Variants in CACNA1C observed in about 807,000 individuals in gnomAD.
The protein encoded by CACNA1C is calcium voltage-gated channel subunit alpha1 C, also known as voltage-dependent L-type calcium channel subunit alpha-1C.
Under a neutral mutation model 229.0 loss-of-function variants are expected in CACNA1C, and 30 were observed. That is an observed-to-expected ratio of 0.13 (90% CI 0.10 to 0.18). CACNA1C has a LOEUF of 0.18. Ranked by LOEUF, CACNA1C falls within the 10% of genes least tolerant of loss-of-function variation. The probability of loss-of-function intolerance (pLI) is 1.00; values close to 1 mark genes in which losing one functional copy is unlikely to be tolerated. For missense variants in CACNA1C, 1,658 were observed against 2,845.0 expected, an observed-to-expected ratio of 0.58 and a Z score of 9.49; for synonymous variants, 1,114 against 1,132.5, an observed-to-expected ratio of 0.98 and a Z score of 0.33.
chr12:2,154,866 G>A (rs2095474693), intron 3 of CACNA1C, among the ~76,000 whole-genome samples: 2 of 152,198 alleles, frequency 1.3e-5, no homozygotes, highest in African/African-American at 4.8e-5. Flanking sequence ...GTGGGTAGGT[G>A]GGAGCTTCCC....
At chr12:2,305,177 T>C (rs1359570614) in intron 3 of CACNA1C, among the ~76,000 whole-genome samples, 3 of 152,202 alleles carry the variant, frequency 2.0e-5, no homozygotes, top group Non-Finnish European at 4.4e-5. Context: ...TTATTCAGTT[T>C]GGTTTTGCTT....
chr12:2,378,048 G>A (rs757208453), intron 3 of CACNA1C, among the ~76,000 whole-genome samples: 9 of 152,114 alleles, frequency 5.9e-5, no homozygotes, highest in Non-Finnish European at 7.4e-5. Flanking sequence ...ATGATCCCCC[G>A]CAGAGCCGAG....
chr12:2,253,202 G>C (rs1470384806), intron 3 of CACNA1C, among the ~76,000 whole-genome samples: 1 of 152,212 alleles, frequency 6.6e-6, no homozygotes. Context: ...GGGAAAACCT[G>C]TGATGGTCTC....
At chr12:2,051,199 G>A (rs1179757685), upstream of CACNA1C, among the ~76,000 whole-genome samples, 1 of 152,200 alleles carries the variant, frequency 6.6e-6, no homozygotes, top group Non-Finnish European at 1.5e-5. Context: ...AGAAGCCGAG[G>A]GAGTTTGTGT....
intron 1 of CACNA1C, among the ~76,000 whole-genome samples, chr12:2,022,966 G>A (rs544167127): frequency 3.9e-5 from 6 of 152,158 alleles, no homozygotes; most frequent in East Asian, 1.9e-4. Context: ...CTTTGAGAAC[G>A]TGCAGCTTGT....
Position 2,522,699 on chromosome 12 carries a change from T to G in CACNA1C, c.1390+9715T>G, listed in dbSNP as rs147299254. ...TTCTGAGTTTGGATCATGGATACAT[T>G]TCAGCCCTCTGGGGCTCTCCTGGGC... On this transcript the variant is annotated intron_variant, in intron 9 of 46. Transcript: ENST00000399655. 2.7e-3 allele frequency among the ~76,000 whole-genome samples: 407 copies of G among 152,228 alleles called. 4 individuals carry two copies. Among genetic ancestry groups the G allele is most frequent in the African/African-American group, 9.4e-3 (390 of 41,544 alleles).
chr12:2,247,990 T>C (rs540486047), intron 3 of CACNA1C, among the ~76,000 whole-genome samples: 1 of 152,326 alleles, frequency 6.6e-6, no homozygotes, highest in South Asian at 2.1e-4. Context: ...TAATTAGTTA[T>C]TTCTAAAATT....
At chr12:2,556,572 G>C (rs1002644664) in intron 10 of CACNA1C, among the ~76,000 whole-genome samples, 2 of 152,182 alleles carry the variant, frequency 1.3e-5, no homozygotes, top group African/African-American at 4.8e-5. Flanking sequence ...ACCTGTTCTT[G>C]CCTGTGATTT....
chr12:2,098,810 C>G (rs1235260735), intron 1 of CACNA1C, among the ~76,000 whole-genome samples: 1 of 152,240 alleles, frequency 6.6e-6, no homozygotes, highest in Non-Finnish European at 1.5e-5. Context: ...ATGATTTTTA[C>G]TAAATAATTC....
intron 1 of CACNA1C, among the ~76,000 whole-genome samples, chr12:1,990,687 T>C (rs1446630011): frequency 6.6e-6 from 1 of 152,196 alleles, no homozygotes; most frequent in African/African-American, 2.4e-5. Context: ...GATTCTTGAC[T>C]ATACAGAATA....
Position 2,585,908 on chromosome 12 carries a change from C to A in CACNA1C, c.2530+4C>A. 6.4e-7 allele frequency: 1 copy of A among 1,574,474 alleles called. No homozygotes were observed. Among genetic ancestry groups the A allele is most frequent in the Non-Finnish European group, 8.7e-7 (1 of 1,155,520 alleles). Reference sequence around the variant, plus strand: ...TACCCCAACCCAGAAACTACAGGTACCAGTCCCACTGCCTAACCTGGGATT... The same window carrying A: ...TACCCCAACCCAGAAACTACAGGTAACAGTCCCACTGCCTAACCTGGGATT... On this transcript the variant is annotated splice_donor_region_variant and intron_variant, in intron 18 of 46. Transcript: ENST00000399655. This position sits in a 1 kb window ranked among gnomAD's most constrained non-coding sequence, Gnocchi z 4.1.
At chr12:2,641,617 G>A (rs1321967230) in intron 30 of CACNA1C, 4 of 657,450 alleles carry the variant, frequency 6.1e-6, no homozygotes, top group Non-Finnish European at 1.1e-5. Flanking sequence ...CTACCAAGAT[G>A]CCTTGTTTCA....
intron 3 of CACNA1C, among the ~76,000 whole-genome samples, chr12:2,283,432 C>G (rs953705680): frequency 3.3e-5 from 5 of 152,182 alleles, no homozygotes; most frequent in African/African-American, 1.2e-4. Context: ...TTAGAGCCTT[C>G]ACCTCCATGA....
chr12:2,541,287 C>A (rs1181976706), intron 9 of CACNA1C, among the ~76,000 whole-genome samples: 2 of 152,130 alleles, frequency 1.3e-5, no homozygotes, highest in Admixed American at 6.5e-5. Context: ...GTTTTAGATA[C>A]CAGATTGGAG....
chr12:2,309,730 G>T (rs2095316270), intron 3 of CACNA1C, among the ~76,000 whole-genome samples: 1 of 152,218 alleles, frequency 6.6e-6, no homozygotes, highest in African/African-American at 2.4e-5. Context: ...GCATCGCCTT[G>T]CAGGGGGCAT....
intron 11 of CACNA1C, among the ~76,000 whole-genome samples, chr12:2,565,798 G>A (rs1285111405): frequency 6.6e-6 from 1 of 152,210 alleles, no homozygotes; most frequent in African/African-American, 2.4e-5. Flanking sequence ...AAAACAAAGA[G>A]CCTGTGCTCC....
At chr12:2,169,153 G>A (rs999069529) in intron 3 of CACNA1C, among the ~76,000 whole-genome samples, 13 of 152,114 alleles carry the variant, frequency 8.5e-5, no homozygotes, top group African/African-American at 1.9e-4. Flanking sequence ...AATCGATCCC[G>A]CACTCAGTTC....
chr12:2,507,488 C>T (rs999264240), intron 8 of CACNA1C, among the ~76,000 whole-genome samples: 1 of 152,204 alleles, frequency 6.6e-6, no homozygotes, highest in African/African-American at 2.4e-5. Context: ...AATAGTCACA[C>T]ACTTACTGGG....
chr12:2,262,672 T>C lies in CACNA1C; in HGVS notation c.477+142242T>C, dbSNP rs1485930414. Among the ~76,000 whole-genome samples, 4 of 152,272 alleles carry C rather than the reference T, an allele frequency of 2.6e-5. No individual in the cohort carries two copies. The South Asian group carries it at 8.3e-4, about 32-fold the overall frequency. ...GCATCCAGGAGCCAGAGGGATGCCT[T>C]GCAGGACTGGGGTGGGGTGGAGGCT... On this transcript the variant is annotated intron_variant, in intron 3 of 46. Coordinates refer to ENST00000399655, the MANE Select transcript of CACNA1C (RefSeq NM_000719.7).
Sources: allele counts gnomAD v4.1 joint callset (sites outside exome capture counted in the v4.1 genomes callset), GRCh38; gene constraint gnomAD v4.1.1; non-coding constraint Gnocchi (gnomAD v3.1); transcripts MANE v1.5; gene names NCBI Gene and HGNC (gene_info 2026-07-23, HGNC 2026-07-21).